Variants in RYR3 observed in about 807,000 individuals in gnomAD.
The protein encoded by RYR3 is ryanodine receptor 3.
In RYR3, 207 loss-of-function variants were observed where a neutral mutation model predicts 584.3. The observed-to-expected ratio is 0.35, with a 90% CI of 0.32 to 0.40. RYR3 has a LOEUF of 0.40. Among genes scored for constraint, RYR3 ranks in the 10% least tolerant of loss-of-function variants. The probability of loss-of-function intolerance (pLI) is 1.00; values close to 1 mark genes in which losing one functional copy is unlikely to be tolerated. For missense variants in RYR3, 5,616 were observed against 6,089.2 expected (o/e 0.92, Z 2.59); for synonymous variants, 2,416 against 2,248.5 (o/e 1.07, Z -2.11).
At chr15:33,862,466 C>T (rs575844118) in intron 102 of RYR3, among the ~76,000 whole-genome samples, 31 of 152,268 alleles carry the variant, frequency 2.0e-4, no homozygotes, top group African/African-American at 7.2e-4. Flanking sequence ...CTTGGCCTCC[C>T]AGAGTGCTGG....
At chr15:33,524,051 A>G (rs1235818777) in intron 3 of RYR3, among the ~76,000 whole-genome samples, 2 of 152,200 alleles carry the variant, frequency 1.3e-5, no homozygotes, top group African/African-American at 4.8e-5. Context: ...GGTACAGGGA[A>G]TAGGCAAAAT....
chr15:33,738,899 C>T (rs933664901), intron 50 of RYR3, among the ~76,000 whole-genome samples: 5 of 152,196 alleles, frequency 3.3e-5, no homozygotes, highest in Admixed American at 3.3e-4. Context: ...CTTACCTCCC[C>T]ATTCGTTTCC....
rs149393441 is a variant in RYR3, at chr15:33,746,236, C to A, written c.7989+79C>A. ...GTGATTTTATCAGAGGAGTTCAGAGCACATTCACTCTCACGTCCCTACAAC... is the reference window on the plus strand; with the variant it reads ...GTGATTTTATCAGAGGAGTTCAGAGAACATTCACTCTCACGTCCCTACAAC... On this transcript the variant is annotated intron_variant, in intron 53 of 103. Transcript: ENST00000634891. 7.4e-4 allele frequency: 705 copies of A among 953,054 alleles called. 2 individuals are homozygous for A. Among genetic ancestry groups the A allele is most frequent in the Middle Eastern group, 4.6e-3 (22 of 4,796 alleles). 59.0% of individuals were successfully genotyped at this position (953,054 alleles called of 1,614,324 possible).
chr15:33,864,880 T>C (rs537641706), intron 103 of RYR3: 70 of 447,892 alleles, frequency 1.6e-4, no homozygotes, highest in African/African-American at 7.0e-4. Flanking sequence ...CAAACATTGA[T>C]TGGTTTCAGT....
chr15:33,328,095 G>A (rs1487864813), intron 1 of RYR3, among the ~76,000 whole-genome samples: 1 of 152,148 alleles, frequency 6.6e-6, no homozygotes, highest in East Asian at 1.9e-4. Context: ...AGCCCTAATG[G>A]CCAACACAGC....
intron 42 of RYR3, among the ~76,000 whole-genome samples, chr15:33,702,920 G>A (rs7166503): frequency 0.088 from 13,350 of 151,984 alleles, 1,411 homozygotes; most frequent in African/African-American, 0.25. Flanking sequence ...TCTTCGTGTC[G>A]CATAGTGAAC....
rs775354657 is a variant in RYR3 at position 33,854,835 on chromosome 15, G to A, written c.13930G>A (p.Ala4644Thr). Reference protein sequence around the residue: ...LGHYNNFFFAAHLLDIAMGFK... With the variant: ...LGHYNNFFFATHLLDIAMGFK... Reference sequence around the variant, plus strand: ...CCACTACAATAACTTCTTCTTTGCTGCTCACCTATTGGACATCGCAATGGG... The same window carrying A: ...CCACTACAATAACTTCTTCTTTGCTACTCACCTATTGGACATCGCAATGGG... The change falls in exon 98 of 104, where the codon GCT (alanine) becomes ACT (threonine). Residue 4644 changes from alanine to threonine, a missense_variant. Ala to Thr is a moderately conservative substitution (Grantham distance 58). Transcript: ENST00000634891. 3 of 1,613,780 alleles carry A rather than the reference G, an allele frequency of 1.9e-6. No homozygotes were observed. In the South Asian group the frequency reaches 3.3e-5, roughly 18 times the overall value.
At chr15:33,500,366 G>A (rs989975483) in intron 2 of RYR3, among the ~76,000 whole-genome samples, 2 of 152,112 alleles carry the variant, frequency 1.3e-5, no homozygotes, top group Admixed American at 6.5e-5. Context: ...TACAAAACAG[G>A]GGCAGCAGAT....
rs376954992 is a variant in RYR3, at chr15:33,742,805, G to GA, written c.7899+371dup. Among the ~76,000 whole-genome samples, 290 of 149,284 alleles carry GA rather than the reference G, an allele frequency of 1.9e-3. 1 individual carries two copies. Among genetic ancestry groups the GA allele is most frequent in the African/African-American group, 4.5e-3 (184 of 40,636 alleles). ...AATTTTTGTCTTTGAATGCAGATTG[G>GA]AAAAAAAAAATGAAATTGAAAGCCT... On this transcript the variant is annotated intron_variant, in intron 52 of 103. Coordinates refer to ENST00000634891, the MANE Select transcript of RYR3 (RefSeq NM_001036.6).
chr15:33,715,427 C>T (rs370726785), intron 43 of RYR3, among the ~76,000 whole-genome samples: 24 of 152,260 alleles, frequency 1.6e-4, no homozygotes, highest in African/African-American at 4.1e-4. Context: ...GGAACAACAT[C>T]GCAATGTTGT....
chr15:33,603,600 C>G (rs1391206180), intron 18 of RYR3, among the ~76,000 whole-genome samples: 1 of 152,170 alleles, frequency 6.6e-6, no homozygotes, highest in African/African-American at 2.4e-5. Context: ...CTCATTGTAT[C>G]TGTATGAGCC....
At position 33,739,955 on chromosome 15, in the gene RYR3, G is replaced by A; in HGVS notation, c.7780G>A (p.Ala2594Thr). 1.2e-6 allele frequency: 2 copies of A among 1,613,944 alleles called. No individual in the cohort carries two copies. Among genetic ancestry groups the A allele is most frequent in the Middle Eastern group, 3.3e-4 (2 of 6,062 alleles). ...ATLEKQISVD[A>T]DGNFDPKPIN... ...GTTGGAGAAACAGATCTCAGTGGAT[G>A]CGGATGGCAACTTTGACCCAAAACC... The change falls in exon 51 of 104, where the codon GCG becomes ACG. Residue 2594 changes from alanine (A) to threonine (T), a missense_variant. This residue lies in a region of RYR3 where 1,280 missense variants were observed against 1,426.2 expected (regional missense o/e 0.90). Transcript: ENST00000634891.
At chr15:33,357,505 A>G (rs757838372) in intron 1 of RYR3, among the ~76,000 whole-genome samples, 40 of 152,202 alleles carry the variant, frequency 2.6e-4, no homozygotes, top group Non-Finnish European at 4.4e-4. Flanking sequence ...TTTTAAAATC[A>G]GAACCCTGTT....
intron 1 of RYR3, among the ~76,000 whole-genome samples, chr15:33,334,844 A>G (rs891735621): frequency 5.9e-5 from 9 of 152,116 alleles, no homozygotes; most frequent in Admixed American, 5.2e-4. Flanking sequence ...AAAAAAAAAA[A>G]CCCCATTAAA....
chr15:33,539,346 G>A lies in RYR3; in HGVS notation c.434-4G>A. 1 of 1,573,928 alleles carries A rather than the reference G, an allele frequency of 6.4e-7. No individual in the cohort carries two copies. Among genetic ancestry groups the A allele is most frequent in the Non-Finnish European group, 8.7e-7 (1 of 1,155,238 alleles). On this transcript the variant is annotated splice_region_variant and splice_polypyrimidine_tract_variant and intron_variant, in intron 5 of 103. Transcript: ENST00000634891. ...AATGACTAACTCAAGGAGCCTTCAT[G>A]TAGGAGAAGCCTGTTGGTGGACTAT...
At chr15:33,368,328 G>C (rs1975788700) in intron 1 of RYR3, among the ~76,000 whole-genome samples, 1 of 139,704 alleles carries the variant, frequency 7.2e-6, no homozygotes, top group African/African-American at 2.7e-5. Flanking sequence ...CTTCATTGTA[G>C]CCTTCCTGTC....
intron 1 of RYR3, among the ~76,000 whole-genome samples, chr15:33,351,130 A>G (rs1277977731): frequency 6.6e-6 from 1 of 152,164 alleles, no homozygotes; most frequent in Admixed American, 6.5e-5. Flanking sequence ...TACTACAAAC[A>G]CCTCTACGCA....
intron 69 of RYR3, among the ~76,000 whole-genome samples, chr15:33,803,551 CTG>C (rs2076029674): frequency 6.6e-6 from 1 of 152,096 alleles, no homozygotes; most frequent in Non-Finnish European, 1.5e-5. Flanking sequence ...GAGTCTCACT[CTG>C]TTGCCCAGCT....
At chr15:33,686,175 C>T (rs372701042) in intron 38 of RYR3, among the ~76,000 whole-genome samples, 25 of 151,034 alleles carry the variant, frequency 1.7e-4, no homozygotes, top group Admixed American at 7.9e-4. Flanking sequence ...AAAGATAGAC[C>T]GCTAGCAAGA....
Sources: allele counts gnomAD v4.1 joint callset (sites outside exome capture counted in the v4.1 genomes callset), GRCh38; gene constraint gnomAD v4.1.1; regional missense constraint gnomAD v4.1.1; transcripts MANE v1.5; gene names NCBI Gene and HGNC (gene_info 2026-07-23, HGNC 2026-07-21).